Variants in EEFSEC observed in about 807,000 individuals in gnomAD.
EEFSEC encodes the protein eukaryotic elongation factor, selenocysteine-tRNA specific, also known as selenocysteine-specific elongation factor.
Under a neutral mutation model 42.1 loss-of-function variants are expected in EEFSEC, and 43 were observed. The ratio of observed to expected loss-of-function variants is 1.02; its 90% CI spans 0.80 to 1.32. EEFSEC has a LOEUF of 1.32. Ranked by LOEUF, EEFSEC falls within the 40% of genes most tolerant of loss-of-function variation. EEFSEC has a pLI of 0.00. For missense variants in EEFSEC, 745 were observed against 803.6 expected (o/e 0.93, Z 0.88); for synonymous variants, 354 against 339.1 (o/e 1.04, Z -0.48).
chr3:128,342,726 T>C (rs1197869330), intron 5 of EEFSEC, among the ~76,000 whole-genome samples: 2 of 152,184 alleles, frequency 1.3e-5, no homozygotes, highest in African/African-American at 2.4e-5. Context: ...CGGCTGGTCC[T>C]GTGGTGCATC....
intron 4 of EEFSEC, among the ~76,000 whole-genome samples, chr3:128,309,626 A>G (rs1449013068): frequency 6.6e-6 from 1 of 152,204 alleles, no homozygotes; most frequent in African/African-American, 2.4e-5. Context: ...GAAGATTCAA[A>G]TTAGAGGATG....
At chr3:128,269,419 C>T (rs2066391076) in intron 4 of EEFSEC, among the ~76,000 whole-genome samples, 1 of 152,262 alleles carries the variant, frequency 6.6e-6, no homozygotes, top group Non-Finnish European at 1.5e-5. Context: ...AACTCCTGAC[C>T]TCCTCTCACC....
At chr3:128,221,764 G>C (rs900996225) in intron 1 of EEFSEC, among the ~76,000 whole-genome samples, 1 of 152,016 alleles carries the variant, frequency 6.6e-6, no homozygotes, top group Non-Finnish European at 1.5e-5. Flanking sequence ...TCAGATCCTG[G>C]AAACTAGAAA....
chr3:128,318,751 C>T (rs1363996392), intron 4 of EEFSEC, among the ~76,000 whole-genome samples: 1 of 152,230 alleles, frequency 6.6e-6, no homozygotes, highest in Admixed American at 6.5e-5. Flanking sequence ...CAGACAGTAT[C>T]CCACTCCTCT....
At chr3:128,413,479 G>A (rs1194810401), downstream of EEFSEC, among the ~76,000 whole-genome samples, 8 of 152,210 alleles carry the variant, frequency 5.3e-5, no homozygotes, top group East Asian at 5.8e-4. Flanking sequence ...TGTGGCCTGC[G>A]GCCCCCTCTG....
chr3:128,226,688 A>G (rs1351598474), intron 1 of EEFSEC, among the ~76,000 whole-genome samples: 1 of 151,812 alleles, frequency 6.6e-6, no homozygotes, highest in African/African-American at 2.4e-5. Flanking sequence ...TGTTGTCTGT[A>G]TGTGTGTGTG....
the EEFSEC span, among the ~76,000 whole-genome samples, chr3:128,416,504 G>A: frequency 2.0e-3 from 299 of 152,098 alleles, 2 homozygotes; most frequent in African/African-American, 6.5e-3. Context: ...CCCATCTCCC[G>A]CCCCTTCTTC....
rs2066137369 is a variant in EEFSEC at position 128,247,192 on chromosome 3, C to T, written c.524+149C>T. ...AACCTGGCATTTGCTCACATAAGGGCTGCATTAAATGAGGTAAAGGCTAAC... is the reference window on the plus strand; with the variant it reads ...AACCTGGCATTTGCTCACATAAGGGTTGCATTAAATGAGGTAAAGGCTAAC... On this transcript the variant is annotated intron_variant, in intron 2 of 6. Transcript: ENST00000254730. The T allele has an allele frequency of 8.5e-6, 7 of 825,776 alleles. No homozygotes were observed. In the East Asian group the frequency reaches 1.8e-4, roughly 22 times the overall value. 51.2% of individuals were successfully genotyped at this position (825,776 alleles called of 1,614,324 possible).
In EEFSEC at chr3:128,154,054, TC is replaced by T. The variant is rs1944316196; in HGVS notation, c.316+233del. 7.4e-6 allele frequency: 3 copies of T among 405,076 alleles called. No individual in the cohort carries two copies. The East Asian group carries it at 1.1e-4, about 15-fold the overall frequency. The allele number at this position is 405,076 out of a possible 1,614,324, so 25.1% of individuals were successfully genotyped here. ...AGCAGAACCGAGCTGCAAGGCGCCTTCCTTAAAAAAAAAAAAAAAAAAAAAT... is the reference window on the plus strand; with the variant it reads ...AGCAGAACCGAGCTGCAAGGCGCCTTCTTAAAAAAAAAAAAAAAAAAAAAT... On this transcript the variant is annotated intron_variant, in intron 1 of 6. Coordinates refer to ENST00000254730, the MANE Select transcript of EEFSEC (RefSeq NM_021937.5).
rs565513292 is a variant in EEFSEC at position 128,402,453 on chromosome 3, A to G, written c.1601-5616A>G. ...TCCCTTGGTCTTAGAGGCCCTTTGTAGTTCTCAAAAACGTGCCGCTCCCTT... is the reference window on the plus strand; with the variant it reads ...TCCCTTGGTCTTAGAGGCCCTTTGTGGTTCTCAAAAACGTGCCGCTCCCTT... On this transcript the variant is annotated intron_variant, in intron 6 of 6. Coordinates refer to ENST00000254730, the MANE Select transcript of EEFSEC (RefSeq NM_021937.5). 1.6e-4 allele frequency among the ~76,000 whole-genome samples: 24 copies of G among 152,298 alleles called. 1 individual carries two copies. The South Asian group carries it at 4.6e-3, about 29-fold the overall frequency.
the EEFSEC span, among the ~76,000 whole-genome samples, chr3:128,414,066 C>A: frequency 1.3e-5 from 2 of 152,272 alleles, no homozygotes; most frequent in Non-Finnish European, 2.9e-5. Flanking sequence ...ATCACTTCCT[C>A]TGCCTCTCTC....
chr3:128,356,642 A>C (rs16844088), intron 5 of EEFSEC, among the ~76,000 whole-genome samples: 2,931 of 152,314 alleles, frequency 0.019, 102 homozygotes, highest in African/African-American at 0.065. Flanking sequence ...CATGTATTTC[A>C]GTAGCCAAAG....
intron 6 of EEFSEC, among the ~76,000 whole-genome samples, chr3:128,384,547 T>C (rs1437822430): frequency 6.6e-6 from 1 of 152,264 alleles, no homozygotes; most frequent in South Asian, 2.1e-4. Context: ...CGGGCACCCG[T>C]CTCTCCCAGC....
chr3:128,208,126 T>A (rs1336007753), intron 1 of EEFSEC, among the ~76,000 whole-genome samples: 1 of 152,206 alleles, frequency 6.6e-6, no homozygotes, highest in East Asian at 1.9e-4. Flanking sequence ...TCAATCCAGA[T>A]AAGGAAGTGA....
At chr3:128,355,658 G>A (rs928900735) in intron 5 of EEFSEC, among the ~76,000 whole-genome samples, 1 of 146,602 alleles carries the variant, frequency 6.8e-6, no homozygotes, top group Non-Finnish European at 1.5e-5. Context: ...CCTTGCAAAT[G>A]TACCAACAAC....
intron 4 of EEFSEC, among the ~76,000 whole-genome samples, chr3:128,280,613 C>T (rs547612065): frequency 2.0e-5 from 3 of 152,318 alleles, no homozygotes; most frequent in Admixed American, 1.3e-4. Context: ...CCTCCCTGAG[C>T]CCTCCAGGAG....
chr3:128,300,248 T>C (rs1247082505), intron 4 of EEFSEC, among the ~76,000 whole-genome samples: 1 of 152,222 alleles, frequency 6.6e-6, no homozygotes, highest in Non-Finnish European at 1.5e-5. Context: ...ACTCCAGCAC[T>C]GTAAGCAGGA....
In EEFSEC at chr3:128,264,948, A is replaced by G. The variant is rs531601939; in HGVS notation, c.786+167A>G. Among the ~76,000 whole-genome samples the G allele has an allele frequency of 2.0e-5, 3 of 152,280 alleles. No individual in the cohort carries two copies. The South Asian group carries it at 6.2e-4, about 32-fold the overall frequency. ...GGCTGCCTGGCCCCGCCCGGCTCCAAGTCTTTCAACTCAGATTCTAGGACT... is the reference window on the plus strand; with the variant it reads ...GGCTGCCTGGCCCCGCCCGGCTCCAGGTCTTTCAACTCAGATTCTAGGACT... On this transcript the variant is annotated intron_variant, in intron 4 of 6. Coordinates refer to ENST00000254730, the MANE Select transcript of EEFSEC (RefSeq NM_021937.5).
intron 5 of EEFSEC, among the ~76,000 whole-genome samples, chr3:128,354,804 C>T (rs576768360): frequency 6.6e-5 from 10 of 152,180 alleles, no homozygotes; most frequent in Non-Finnish European, 1.5e-5. Flanking sequence ...ATGCAGTAAA[C>T]GTGTTCTGAA....
Sources: gnomAD v4.1 joint callset for allele counts (sites outside exome capture counted in the v4.1 genomes callset) on GRCh38, gnomAD v4.1.1 for gene constraint, MANE v1.5 for transcripts, NCBI Gene and HGNC (gene_info 2026-07-23, HGNC 2026-07-21) for gene names.